The following SYTL5 variants were observed in gnomAD, a reference collection of about 807,000 sequenced individuals.
SYTL5 encodes the protein synaptotagmin-like protein 5.
Under a neutral mutation model 55.9 loss-of-function variants are expected in SYTL5, and 34 were observed. The ratio of observed to expected loss-of-function variants is 0.61; its 90% CI spans 0.46 to 0.81. The LOEUF (loss-of-function observed/expected upper bound fraction) is 0.81. SYTL5 is among the 30% of genes least tolerant of loss of function. SYTL5 has a pLI of 0.00. For missense variants in SYTL5, 637 were observed against 546.7 expected (o/e 1.17, Z -1.65); for synonymous variants, 221 against 188.7 (o/e 1.17, Z -1.40).
At chrX:37,899,725 C>T in the SYTL5 span, among the ~76,000 whole-genome samples, 21 of 111,539 alleles carry the variant, frequency 1.9e-4, no homozygotes, top group African/African-American at 5.9e-4. Context: ...TGCCATGCAG[C>T]TTCATTGTAA....
At chrX:38,109,396 G>T (rs945631728) in intron 12 of SYTL5, among the ~76,000 whole-genome samples, 2 of 111,377 alleles carry the variant, frequency 1.8e-5, no homozygotes, top group African/African-American at 6.5e-5. Context: ...GTGCCCCAGA[G>T]TGATGGTGTC....
At chrX:37,910,411 T>C in the SYTL5 span, among the ~76,000 whole-genome samples, 1 of 112,306 alleles carries the variant, frequency 8.9e-6, no homozygotes, top group African/African-American at 3.2e-5. Context: ...TATCTCCAAA[T>C]AGTTATATTT....
At chrX:38,004,398 T>C (rs1933937624), upstream of SYTL5, among the ~76,000 whole-genome samples, 1 of 111,876 alleles carries the variant, frequency 8.9e-6, no homozygotes, top group Admixed American at 9.6e-5. Context: ...AGAGCTACCA[T>C]ATGATCCAGC....
At chrX:38,117,027 C>T (rs1019982997) in intron 13 of SYTL5, among the ~76,000 whole-genome samples, 3 of 111,922 alleles carry the variant, frequency 2.7e-5, no homozygotes, top group Non-Finnish European at 5.6e-5. Context: ...AGCAAAATGC[C>T]TTATAAAAAT....
chrX:38,122,053 A>G (rs747183877), intron 14 of SYTL5, 27 bp from the exon 15 acceptor site: 16 of 1,150,754 alleles, frequency 1.4e-5, no homozygotes, highest in African/African-American at 1.8e-5. Context: ...TTTCTCCACC[A>G]TTCCCTCATT....
the SYTL5 span, among the ~76,000 whole-genome samples, chrX:37,891,784 T>A: frequency 9.0e-6 from 1 of 111,571 alleles, no homozygotes; most frequent in African/African-American, 3.3e-5. Context: ...TGGTTCTCTT[T>A]ATCTTCTGTA....
At chrX:38,065,459 A>T (rs1936072630) in intron 3 of SYTL5, among the ~76,000 whole-genome samples, 1 of 112,051 alleles carries the variant, frequency 8.9e-6, no homozygotes, top group Non-Finnish European at 1.9e-5. Context: ...TTCTGTGGAT[A>T]TGCAATTCTA....
At chrX:37,985,694 A>G in the SYTL5 span, among the ~76,000 whole-genome samples, 1 of 110,929 alleles carries the variant, frequency 9.0e-6, no homozygotes, top group African/African-American at 3.3e-5. Context: ...TAAAATTCAT[A>G]TGAAATTTCA....
chrX:37,959,955 G>A, the SYTL5 span, among the ~76,000 whole-genome samples: 1 of 111,676 alleles, frequency 9.0e-6, no homozygotes. Context: ...AGCACTTCAT[G>A]GATGCTGCCA....
chrX:37,997,778 G>T, the SYTL5 span, among the ~76,000 whole-genome samples: 1 of 112,575 alleles, frequency 8.9e-6, no homozygotes, highest in African/African-American at 3.2e-5. Flanking sequence ...GCCAGGAAGG[G>T]CCTGAAAGCT....
intron 2 of SYTL5, among the ~76,000 whole-genome samples, chrX:38,040,514 T>C (rs1409992976): frequency 9.8e-6 from 1 of 102,049 alleles, no homozygotes; most frequent in African/African-American, 3.5e-5. Context: ...ATCCTTCTAC[T>C]ATCTATGTCC....
chrX:38,106,797 C>T, intron 11 of SYTL5, 26 bp downstream of exon 11: 3 of 1,124,407 alleles, frequency 2.7e-6, no homozygotes, highest in Non-Finnish European at 3.6e-6. Context: ...GTTCCTCAGA[C>T]TATTTCAGTC....
rs756577067 is a variant in SYTL5 at position 38,104,555 on chromosome X, C to T, written c.1156-2038C>T. On this transcript the variant is annotated intron_variant, in intron 10 of 16. Transcript: ENST00000297875. ...ATGGAATTATTGGTCTGCTCTTGCC[C>T]GTGAAGAAGCTTAGAAGACATGTGA... Among the ~76,000 whole-genome samples, 5 of 111,891 alleles carry T rather than the reference C, an allele frequency of 4.5e-5. No homozygotes were observed. In the South Asian group the frequency reaches 1.5e-3, roughly 34 times the overall value.
chrX:38,035,491 T>C (rs1347682997), intron 2 of SYTL5, among the ~76,000 whole-genome samples: 1 of 107,356 alleles, frequency 9.3e-6, no homozygotes. Context: ...CTCAGGAGGC[T>C]GAGGCGGGAG....
At chrX:38,022,883 C>A (rs888863920) in intron 1 of SYTL5, among the ~76,000 whole-genome samples, 1 of 111,466 alleles carries the variant, frequency 9.0e-6, no homozygotes, top group Non-Finnish European at 1.9e-5. Context: ...CAGGCAGAGT[C>A]TTACAAATAG....
At chrX:37,968,407 C>G in the SYTL5 span, among the ~76,000 whole-genome samples, 1 of 111,202 alleles carries the variant, frequency 9.0e-6, no homozygotes, top group Non-Finnish European at 1.9e-5. Flanking sequence ...ACCATTTTAC[C>G]TTTTCTGGTG....
chrX:38,042,004 C>G (rs1346858107), intron 2 of SYTL5, among the ~76,000 whole-genome samples: 3 of 110,548 alleles, frequency 2.7e-5, no homozygotes, highest in Non-Finnish European at 5.7e-5. Flanking sequence ...CTAGCTATTT[C>G]AGACCATTTT....
At chrX:37,971,313 C>G in the SYTL5 span, among the ~76,000 whole-genome samples, 1 of 110,695 alleles carries the variant, frequency 9.0e-6, no homozygotes, top group African/African-American at 3.3e-5. Flanking sequence ...AGGTGAAAAT[C>G]AGATAGCAAA....
chrX:37,928,405 G>A, the SYTL5 span, among the ~76,000 whole-genome samples: 1 of 111,561 alleles, frequency 9.0e-6, no homozygotes, highest in Non-Finnish European at 1.9e-5. Context: ...GGATCACCAC[G>A]TTTTTGTATT....
Sources: gnomAD v4.1 joint callset for allele counts (sites outside exome capture counted in the v4.1 genomes callset) on GRCh38, gnomAD v4.1.1 for gene constraint, MANE v1.5 for transcripts, NCBI Gene and HGNC (gene_info 2026-07-23, HGNC 2026-07-21) for gene names.